The following NBAS variants were observed in gnomAD, a reference collection of about 807,000 sequenced individuals.
NBAS encodes the protein NAG/BC035112 fusion.
In NBAS, 219 loss-of-function variants were observed where a neutral mutation model predicts 302.5. That is an observed-to-expected ratio of 0.72 (90% CI 0.65 to 0.81). The LOEUF is 0.81. Ranked by LOEUF, NBAS falls within the 30% of genes least tolerant of loss-of-function variation. The pLI is 0.00. For synonymous variants in NBAS, 1,118 were observed against 1,021.6 expected, an observed-to-expected ratio of 1.09 and a Z score of -1.80; for missense variants, 2,932 against 2,841.6, an observed-to-expected ratio of 1.03 and a Z score of -0.72.
chr2:15,387,635 A>G (rs957321390), intron 28 of NBAS, among the ~76,000 whole-genome samples: 1 of 149,842 alleles, frequency 6.7e-6, no homozygotes, highest in African/African-American at 2.5e-5. Context: ...TCATCTGGAA[A>G]TTATTTTTTT....
At chr2:14,796,994 G>A in the NBAS span, among the ~76,000 whole-genome samples, 2 of 150,636 alleles carry the variant, frequency 1.3e-5, no homozygotes, top group Non-Finnish European at 3.0e-5. Context: ...GGAGGCTGAG[G>A]CAGGAGAATG....
rs778251675 is a variant in NBAS at position 15,356,356 on chromosome 2, C to T, written c.3878G>A (p.Arg1293His). The T allele has an allele frequency of 9.3e-6, 15 of 1,613,874 alleles. No individual in the cohort carries two copies. Among genetic ancestry groups the T allele is most frequent in the East Asian group, 4.5e-5 (2 of 44,844 alleles). The stretch of plus-strand genomic sequence containing the variant: ...ACTGGCTGCTTTGTAGTCATGGAAG[C>T]GAAGTGCCTGCTCCACTAAAAGGAT... ...VLILLVEQAL[R>H]FHDYKAASMH... Residue 1293 changes from arginine to histidine, a missense_variant, in exon 33 of 52, where the codon CGC (arginine) becomes CAC (histidine). Transcript: ENST00000281513.
chr2:15,291,687 C>T (rs1670309896), intron 41 of NBAS, among the ~76,000 whole-genome samples: 2 of 152,144 alleles, frequency 1.3e-5, no homozygotes, highest in South Asian at 4.1e-4. Context: ...GTTTCTGGTT[C>T]TCTAGAAGAC....
chr2:14,961,929 G>A, the NBAS span, among the ~76,000 whole-genome samples: 81 of 152,128 alleles, frequency 5.3e-4, 1 homozygote, highest in South Asian at 0.015. Flanking sequence ...ACAGGTGCCC[G>A]CCACCACACC....
At chr2:15,510,099 C>A (rs1164711081) in intron 10 of NBAS, among the ~76,000 whole-genome samples, 1 of 152,212 alleles carries the variant, frequency 6.6e-6, no homozygotes, top group Non-Finnish European at 1.5e-5. Context: ...CCACCCACTT[C>A]GGCCTCCCAA....
At position 15,271,486 on chromosome 2, in the gene NBAS, G is replaced by T. The variant is rs187535775; in HGVS notation, c.5724+3998C>A. On this transcript the variant is annotated intron_variant, in intron 44 of 51. Transcript: ENST00000281513. ...GTTGGAAAGGCAGCACGTGCAAGGT[G>T]GGGGAAAGGGGAGTGGGTAAATACC... 4.6e-3 allele frequency among the ~76,000 whole-genome samples: 708 copies of T among 152,268 alleles called. 1 individual carries two copies. Among genetic ancestry groups the T allele is most frequent in the Non-Finnish European group, 8.0e-3 (547 of 68,020 alleles).
At chr2:15,401,019 C>A (rs1676123713) in intron 26 of NBAS, among the ~76,000 whole-genome samples, 1 of 152,038 alleles carries the variant, frequency 6.6e-6, no homozygotes, top group African/African-American at 2.4e-5. Flanking sequence ...TGCTGTAAGA[C>A]CAGGTACTTC....
At chr2:14,819,986 T>C in the NBAS span, among the ~76,000 whole-genome samples, 365 of 152,260 alleles carry the variant, frequency 2.4e-3, no homozygotes, top group African/African-American at 8.0e-3. Flanking sequence ...CCAGCTAAAA[T>C]GGCTTATAGC....
chr2:15,333,388 G>A (rs138583589), intron 35 of NBAS, among the ~76,000 whole-genome samples: 46 of 152,206 alleles, frequency 3.0e-4, no homozygotes, highest in African/African-American at 9.6e-4. Flanking sequence ...TATAAACCAC[G>A]CCAAAGAACC....
At chr2:15,216,501 G>A (rs1666659672) in intron 48 of NBAS, among the ~76,000 whole-genome samples, 1 of 152,124 alleles carries the variant, frequency 6.6e-6, no homozygotes. Context: ...GTTTAGAAAA[G>A]TGCTTGAGAA....
Position 15,218,830 on chromosome 2 carries a change from C to T in NBAS, c.6375G>A (p.Lys2125=), listed in dbSNP as rs780407463. The T allele has an allele frequency of 1.2e-6, 2 of 1,614,134 alleles. No homozygotes were observed. Among genetic ancestry groups the T allele is most frequent in the Non-Finnish European group, 1.7e-6 (2 of 1,180,052 alleles). ...QSFHLTEEDS[K]LLVFFRTEAI... ...CTTCAGTTCTAAAGAACACGAGGAG[C>T]TTGCTGTCCTCCTCAGTCAGGTGAA... Residue 2125 remains lysine (K), a synonymous_variant, in exon 48 of 52, where the codon AAG becomes AAA. Coordinates refer to ENST00000281513, the MANE Select transcript of NBAS (RefSeq NM_015909.4).
Position 15,468,137 on chromosome 2 carries a change from C to A in NBAS, c.1877+245G>T, listed in dbSNP as rs947843563. Among the ~76,000 whole-genome samples the A allele has an allele frequency of 5.4e-5, 5 of 92,348 alleles. No homozygotes were observed. The East Asian group carries it at 1.0e-3, about 19-fold the overall frequency. The allele number at this position is 92,348 out of a possible 152,430, so 60.6% of individuals were successfully genotyped here. ...TATTTGAATCACTTCTACTTAAGGTCTTCAAATGGTAGTGTCAGTCTCATT... is the reference window on the plus strand; with the variant it reads ...TATTTGAATCACTTCTACTTAAGGTATTCAAATGGTAGTGTCAGTCTCATT... On this transcript the variant is annotated intron_variant, in intron 17 of 51. Coordinates refer to ENST00000281513, the MANE Select transcript of NBAS (RefSeq NM_015909.4).
At chr2:15,457,969 T>C (rs1679324083) in intron 21 of NBAS, among the ~76,000 whole-genome samples, 1 of 152,228 alleles carries the variant, frequency 6.6e-6, no homozygotes, top group South Asian at 2.1e-4. Context: ...AAAGTCCATC[T>C]GCACTACCTG....
At chr2:14,928,087 T>G in the NBAS span, among the ~76,000 whole-genome samples, 2 of 152,268 alleles carry the variant, frequency 1.3e-5, no homozygotes, top group Non-Finnish European at 2.9e-5. Flanking sequence ...CTTTGCTACT[T>G]GTTAGTTTTG....
At chr2:15,445,534 T>C (rs1359278559) in intron 21 of NBAS, among the ~76,000 whole-genome samples, 4 of 145,562 alleles carry the variant, frequency 2.7e-5, no homozygotes, top group Admixed American at 6.9e-5. Flanking sequence ...AGGGATAGCA[T>C]TGGGAGATAT....
intron 48 of NBAS, among the ~76,000 whole-genome samples, chr2:15,197,540 A>C (rs961445079): frequency 2.0e-4 from 30 of 152,204 alleles, no homozygotes; most frequent in African/African-American, 7.2e-4. Context: ...AGAATTAAGC[A>C]AGACAAAGCC....
chr2:15,166,484 T>C (rs768889245), downstream of NBAS, among the ~76,000 whole-genome samples: 11 of 152,210 alleles, frequency 7.2e-5, no homozygotes, highest in Non-Finnish European at 1.5e-4. Context: ...TTTCTTCAGC[T>C]CCGGCTGTGT....
intron 42 of NBAS, among the ~76,000 whole-genome samples, chr2:15,280,028 G>C (rs1669755694): frequency 6.6e-6 from 1 of 152,116 alleles, no homozygotes; most frequent in Non-Finnish European, 1.5e-5. Context: ...CCTGAACCAA[G>C]TTTTAGTTAT....
chr2:15,119,094 G>T, the NBAS span, among the ~76,000 whole-genome samples: 1 of 152,006 alleles, frequency 6.6e-6, no homozygotes. Flanking sequence ...CCAGAAAGTA[G>T]ATCTCCTCAT....
Sources: gnomAD v4.1 joint callset for allele counts (sites outside exome capture counted in the v4.1 genomes callset) on GRCh38, gnomAD v4.1.1 for gene constraint, MANE v1.5 for transcripts, NCBI Gene and HGNC (gene_info 2026-07-23, HGNC 2026-07-21) for gene names.